Variants in CA8 observed in about 807,000 individuals in gnomAD.
CA8 encodes carbonic anhydrase 8 (inactive), also known as carbonic anhydrase-related protein.
In CA8, 22 loss-of-function variants were observed where a neutral mutation model predicts 41.4. That is an observed-to-expected ratio of 0.53 (90% CI 0.38 to 0.76). The LOEUF (loss-of-function observed/expected upper bound fraction) is 0.76, where lower values mean the gene tolerates loss of function less well. Among genes scored for constraint, CA8 ranks in the 30% least tolerant of loss-of-function variants. CA8 has a pLI of 0.00. For missense variants in CA8, 270 were observed against 352.8 expected, an observed-to-expected ratio of 0.77 and a Z score of 1.88; for synonymous variants, 121 against 130.6, an observed-to-expected ratio of 0.93 and a Z score of 0.50.
At chr8:60,192,454 AACT>A (rs1160665255) in intron 8 of CA8, among the ~76,000 whole-genome samples, 1 of 152,190 alleles carries the variant, frequency 6.6e-6, no homozygotes, top group Non-Finnish European at 1.5e-5. Context: ...CTAAAAATTA[AACT>A]ACAATACTGT....
intron 7 of CA8, among the ~76,000 whole-genome samples, chr8:60,213,351 A>G (rs1409187233): frequency 1.3e-5 from 2 of 152,262 alleles, no homozygotes; most frequent in Admixed American, 1.3e-4. Context: ...ACACAGATTT[A>G]AACATACTAA....
chr8:60,192,053 C>A (rs1242651210), intron 8 of CA8, among the ~76,000 whole-genome samples: 1 of 152,002 alleles, frequency 6.6e-6, no homozygotes, highest in African/African-American at 2.4e-5. Context: ...AAACTCAATA[C>A]CCTATGCTAT....
At chr8:60,214,266 G>A (rs1312243774) in intron 7 of CA8, among the ~76,000 whole-genome samples, 1 of 152,228 alleles carries the variant, frequency 6.6e-6, no homozygotes, top group Non-Finnish European at 1.5e-5. Flanking sequence ...GAAGGCAGAA[G>A]GACAAGCAAG....
intron 7 of CA8, among the ~76,000 whole-genome samples, chr8:60,219,234 C>T (rs1807146235): frequency 6.6e-6 from 1 of 151,756 alleles, no homozygotes; most frequent in African/African-American, 2.4e-5. Context: ...TCTTGGCTCA[C>T]TGCAACCTCC....
chr8:60,260,687 G>C (rs1803702693), intron 3 of CA8, among the ~76,000 whole-genome samples: 7 of 152,140 alleles, frequency 4.6e-5, no homozygotes, highest in Admixed American at 4.6e-4. Flanking sequence ...TGCTAGATAG[G>C]AGTTTGGACT....
Position 60,248,451 on chromosome 8 carries a change from G to A in CA8, c.418-16072C>T, listed in dbSNP as rs192055475. On this transcript the variant is annotated intron_variant, in intron 3 of 8. Transcript: ENST00000317995. The stretch of plus-strand genomic sequence containing the variant: ...GTATAAAGTGCAAGGAAGGGGTCCA[G>A]TTTCAGTTTTCTGCACATGGCTAGC... Among the ~76,000 whole-genome samples the A allele has an allele frequency of 3.5e-3, 534 of 152,262 alleles. 3 individuals are homozygous for A. The highest frequency in any genetic ancestry group is 0.011 in the African/African-American group (470 of 41,546).
At position 60,191,841 on chromosome 8, in the gene CA8, A is replaced by ATGAG. The variant is rs544700545; in HGVS notation, c.*36-1857_*36-1856insCTCA. Reference sequence around the variant, plus strand: ...TCTAATCATACGAGGTCAGGTCTCAAGCCAAAGCAGAATTTAACATTTAGT... The same window carrying ATGAG: ...TCTAATCATACGAGGTCAGGTCTCAATGAGGCCAAAGCAGAATTTAACATTTAGT... On this transcript the variant is annotated intron_variant, in intron 8 of 8. Coordinates refer to ENST00000317995, the MANE Select transcript of CA8 (RefSeq NM_004056.6). 3.8e-3 allele frequency among the ~76,000 whole-genome samples: 580 copies of ATGAG among 152,288 alleles called. 3 individuals are homozygous for ATGAG. Among genetic ancestry groups the ATGAG allele is most frequent in the African/African-American group, 0.013 (556 of 41,568 alleles).
intron 3 of CA8, among the ~76,000 whole-genome samples, chr8:60,253,065 A>G (rs1326912340): frequency 4.0e-5 from 6 of 151,870 alleles, no homozygotes; most frequent in Admixed American, 3.9e-4. Context: ...CCCCGTCTCT[A>G]CACCAAAATA....
At chr8:60,196,697 T>C (rs1477268687) in intron 8 of CA8, among the ~76,000 whole-genome samples, 2 of 152,170 alleles carry the variant, frequency 1.3e-5, no homozygotes, top group African/African-American at 2.4e-5. Context: ...ATTTTTGTCT[T>C]TCATTTTCTT....
chr8:60,192,906 A>G (rs186210777), intron 8 of CA8, among the ~76,000 whole-genome samples: 1 of 149,188 alleles, frequency 6.7e-6, no homozygotes, highest in African/African-American at 2.5e-5. Flanking sequence ...GAGAATGAAG[A>G]TTTGACCCTC....
At chr8:60,258,563 T>G (rs1042235171) in intron 3 of CA8, among the ~76,000 whole-genome samples, 1 of 152,164 alleles carries the variant, frequency 6.6e-6, no homozygotes, top group Non-Finnish European at 1.5e-5. Context: ...ATGATTCAAG[T>G]GCATTACATT....
chr8:60,255,240 C>A (rs1446415936), intron 3 of CA8, among the ~76,000 whole-genome samples: 1 of 152,036 alleles, frequency 6.6e-6, no homozygotes, highest in Non-Finnish European at 1.5e-5. Flanking sequence ...CTGGAACACC[C>A]CCAGCCCCCC....
intron 8 of CA8, among the ~76,000 whole-genome samples, chr8:60,196,717 C>T (rs1806291641): frequency 6.6e-6 from 1 of 151,896 alleles, no homozygotes; most frequent in Non-Finnish European, 1.5e-5. Context: ...TTTTCTCAAC[C>T]TCTCTTTCTT....
chr8:60,195,195 C>T (rs1806246692), intron 8 of CA8, among the ~76,000 whole-genome samples: 2 of 152,240 alleles, frequency 1.3e-5, no homozygotes, highest in Admixed American at 1.3e-4. Flanking sequence ...ATAATGATGA[C>T]CTCAAAGTAT....
intron 8 of CA8, among the ~76,000 whole-genome samples, chr8:60,194,308 A>C (rs115895009): frequency 1.5e-3 from 226 of 152,280 alleles, no homozygotes; most frequent in African/African-American, 5.0e-3. Flanking sequence ...AACCACTACA[A>C]CAAAACCAGA....
At chr8:60,252,857 A>C (rs1808499188) in intron 3 of CA8, among the ~76,000 whole-genome samples, 1 of 152,128 alleles carries the variant, frequency 6.6e-6, no homozygotes, top group Non-Finnish European at 1.5e-5. Flanking sequence ...CAAAATCCAA[A>C]ATACTTCTGG....
chr8:60,192,937 G>GCACACACACACACACACACA (rs377257462), intron 8 of CA8, among the ~76,000 whole-genome samples: 1 of 140,666 alleles, frequency 7.1e-6, no homozygotes, highest in African/African-American at 2.7e-5. Context: ...TCAACATCAT[G>GCACACACACACACACACACA]CACACACACA....
At chr8:60,236,865 C>G (rs976499925) in intron 3 of CA8, among the ~76,000 whole-genome samples, 2 of 152,120 alleles carry the variant, frequency 1.3e-5, no homozygotes, top group Non-Finnish European at 2.9e-5. Flanking sequence ...TGGAGACAAA[C>G]AGGTCTGAAT....
intron 8 of CA8, among the ~76,000 whole-genome samples, chr8:60,197,043 T>C (rs1806300234): frequency 6.6e-6 from 1 of 152,148 alleles, no homozygotes; most frequent in African/African-American, 2.4e-5. Flanking sequence ...AGGTGAAAAG[T>C]GTAATCTGAC....
Sources: allele counts gnomAD v4.1 joint callset (sites outside exome capture counted in the v4.1 genomes callset), GRCh38; gene constraint gnomAD v4.1.1; transcripts MANE v1.5; gene names NCBI Gene and HGNC (gene_info 2026-07-23, HGNC 2026-07-21).